The following ABLIM2 variants were observed in gnomAD, a reference collection of about 807,000 sequenced individuals.
The protein encoded by ABLIM2 is actin binding LIM protein family member 2, also known as actin-binding LIM protein 2.
Under a neutral mutation model 97.7 loss-of-function variants are expected in ABLIM2, and 53 were observed. The observed-to-expected ratio is 0.54, with a 90% CI of 0.44 to 0.68. ABLIM2 has a LOEUF of 0.68. Among genes scored for constraint, ABLIM2 ranks in the 30% least tolerant of loss-of-function variants. The pLI is 0.00. For missense variants in ABLIM2, 835 were observed against 867.2 expected, an observed-to-expected ratio of 0.96 and a Z score of 0.47; for synonymous variants, 361 against 345.8, an observed-to-expected ratio of 1.04 and a Z score of -0.49.
At chr4:8,010,987 A>T (rs1230883606) in intron 14 of ABLIM2, among the ~76,000 whole-genome samples, 1 of 152,222 alleles carries the variant, frequency 6.6e-6, no homozygotes, top group Admixed American at 6.5e-5. Context: ...GGCTGGCAAA[A>T]ATAAGTGCAT....
intron 4 of ABLIM2, among the ~76,000 whole-genome samples, chr4:8,081,146 G>C (rs1164912182): frequency 6.6e-6 from 1 of 151,928 alleles, no homozygotes; most frequent in African/African-American, 2.4e-5. Context: ...ACTGTGACTC[G>C]ATGTGCCCCC....
intron 16 of ABLIM2, among the ~76,000 whole-genome samples, chr4:7,995,011 C>T (rs1199616117): frequency 1.7e-4 from 18 of 108,150 alleles, no homozygotes; most frequent in African/African-American, 3.5e-4. Flanking sequence ...AAAAAGTGGG[C>T]GAAGGACATG....
intron 1 of ABLIM2, among the ~76,000 whole-genome samples, chr4:8,109,287 G>A (rs1000882791): frequency 4.6e-5 from 7 of 152,234 alleles, no homozygotes; most frequent in Non-Finnish European, 1.0e-4. Flanking sequence ...GGTTGCAGTC[G>A]AAACCACAGG....
Position 8,118,700 on chromosome 4 carries a change from G to C in ABLIM2, c.11-12063C>G, listed in dbSNP as rs1027917702. Among the ~76,000 whole-genome samples, 42 of 152,158 alleles carry C rather than the reference G, an allele frequency of 2.8e-4. 1 individual carries two copies. Among genetic ancestry groups the C allele is most frequent in the Admixed American group, 2.2e-3 (34 of 15,270 alleles). On this transcript the variant is annotated intron_variant, in intron 1 of 20. Coordinates refer to ENST00000447017, the MANE Select transcript of ABLIM2 (RefSeq NM_001130083.2). ...CACACTCTTTCCCAAAGTTGTCCTC[G>C]ATAGTCCTGGCACCAGCCTGGGCTC...
At chr4:8,053,347 G>A (rs1797186934) in intron 8 of ABLIM2, among the ~76,000 whole-genome samples, 1 of 152,192 alleles carries the variant, frequency 6.6e-6, no homozygotes, top group African/African-American at 2.4e-5. Flanking sequence ...GTTGATTGAT[G>A]TCTCATGTCT....
chr4:8,009,175 T>C, intron 14 of ABLIM2, 73 bp from the exon 15 acceptor site: 1 of 1,569,914 alleles, frequency 6.4e-7, no homozygotes, highest in South Asian at 1.1e-5. Context: ...GTTTCCCATG[T>C]TACAGTTATG....
chr4:8,054,741 G>A lies in ABLIM2; in HGVS notation c.764-495C>T, dbSNP rs1040767952. Among the ~76,000 whole-genome samples the A allele has an allele frequency of 6.6e-6, 1 of 152,200 alleles. No individual in the cohort carries two copies. Among genetic ancestry groups the A allele is most frequent in the African/African-American group, 2.4e-5 (1 of 41,446 alleles). ...GACTTGCAGGGCAGGGCTCTAAGCT[G>A]AGAGGTAGGAAGAGAGAACCTCAGC... On this transcript the variant is annotated intron_variant, in intron 7 of 20. Coordinates refer to ENST00000447017, the MANE Select transcript of ABLIM2 (RefSeq NM_001130083.2). The surrounding 1 kb of genome is among the most constrained non-coding windows in gnomAD (Gnocchi z 4.9).
chr4:8,103,785 T>A (rs535149853), intron 2 of ABLIM2, among the ~76,000 whole-genome samples: 2 of 152,346 alleles, frequency 1.3e-5, no homozygotes, highest in Admixed American at 6.5e-5. Flanking sequence ...CCGCCAGCTA[T>A]GAGTCCGCTG....
rs963748274 is a variant in ABLIM2 at position 8,043,950 on chromosome 4, G to A, written c.900+1214C>T. On this transcript the variant is annotated intron_variant, in intron 9 of 20. Transcript: ENST00000447017. The surrounding 1 kb of genome is among the most constrained non-coding windows in gnomAD (Gnocchi z 4.8). Reference sequence around the variant, plus strand: ...TGCAGCCAACCTGGTGCCTTCATGCGCCCGCCTAAGCTTCAGAGTGCACAT... The same window carrying A: ...TGCAGCCAACCTGGTGCCTTCATGCACCCGCCTAAGCTTCAGAGTGCACAT... Among the ~76,000 whole-genome samples the A allele has an allele frequency of 3.3e-5, 5 of 152,136 alleles. No homozygotes were observed. Among genetic ancestry groups the A allele is most frequent in the East Asian group, 1.9e-4 (1 of 5,154 alleles).
Position 8,080,739 on chromosome 4 carries a change from C to T in ABLIM2, c.518G>A (p.Trp173Ter). 6.2e-7 allele frequency: 1 copy of T among 1,612,986 alleles called. No homozygotes were observed. Among genetic ancestry groups the T allele is most frequent in the Non-Finnish European group, 8.5e-7 (1 of 1,179,206 alleles). The stretch of plus-strand genomic sequence containing the variant: ...CTTGCACTTAAAACAGCCCAAGTGC[C>T]AGTGCTTGTCCAAGGCTACCAGGGC... ...GQALVALDKHWHLGCFKCKSC... is the reference protein window; with the variant it reads ...GQALVALDKH The change falls in exon 5 of 21, where the codon TGG (tryptophan) becomes TAG (stop). Residue 173 changes from tryptophan (W) to a stop codon, truncating the protein, a stop_gained. Coordinates refer to ENST00000447017, the MANE Select transcript of ABLIM2 (RefSeq NM_001130083.2). LOFTEE classifies it high-confidence loss of function.
chr4:8,029,841 A>C, intron 10 of ABLIM2, 65 bp from the exon 11 acceptor site: 1 of 1,523,578 alleles, frequency 6.6e-7, no homozygotes, highest in Non-Finnish European at 8.9e-7. Flanking sequence ...TTGTCCACCC[A>C]TCCCCCGACA....
rs373145091 is a variant in ABLIM2 at position 8,002,407 on chromosome 4, GC to G, written c.1618+5651del. On this transcript the variant is annotated intron_variant, in intron 16 of 20. Transcript: ENST00000447017. This position sits in a 1 kb window ranked among gnomAD's most constrained non-coding sequence, Gnocchi z 6.1. ...GCCCTGCCAGTGAGATCCTTCCAGG[GC>G]CCCCCACTGCTTTTGTGGGAGCCCT... Among the ~76,000 whole-genome samples the G allele has an allele frequency of 7.9e-3, 1,202 of 152,258 alleles. 18 individuals carry two copies. The highest frequency in any genetic ancestry group is 0.028 in the African/African-American group (1,153 of 41,558).
chr4:8,045,105 G>A lies in ABLIM2; in HGVS notation c.900+59C>T, dbSNP rs201160936. The stretch of plus-strand genomic sequence containing the variant: ...AGGGGTGGGCTTAGCCACGGCCACC[G>A]GGCCCCCCTTCTCTCTCCACCCTCC... On this transcript the variant is annotated intron_variant, in intron 9 of 20. Transcript: ENST00000447017. 174 of 1,512,438 alleles carry A rather than the reference G, an allele frequency of 1.2e-4. No individual in the cohort carries two copies. In the East Asian group the frequency reaches 2.6e-3, roughly 22 times the overall value. The allele number at this position is 1,512,438 out of a possible 1,614,324, so 93.7% of individuals were successfully genotyped here. A position where few individuals can be genotyped will look rare whatever the true frequency, so the allele number is the denominator to read the frequency against.
rs1020484347 is a variant in ABLIM2 at position 8,071,485 on chromosome 4, C to T, written c.675+6143G>A. 1.3e-5 allele frequency among the ~76,000 whole-genome samples: 2 copies of T among 152,328 alleles called. No homozygotes were observed. Among genetic ancestry groups the T allele is most frequent in the South Asian group, 2.1e-4 (1 of 4,826 alleles). Reference sequence around the variant, plus strand: ...ACATTTCGCGGGCAGGCGGGCACTGCGGGCGCCAGCACTTAGGATGGCACC... The same window carrying T: ...ACATTTCGCGGGCAGGCGGGCACTGTGGGCGCCAGCACTTAGGATGGCACC... On this transcript the variant is annotated intron_variant, in intron 6 of 20. Transcript: ENST00000447017. The surrounding 1 kb of genome is among the most constrained non-coding windows in gnomAD (Gnocchi z 6.2).
At chr4:8,007,852 C>A (rs901838868) in intron 16 of ABLIM2, 3 of 1,376,106 alleles carry the variant, frequency 2.2e-6, no homozygotes, top group Admixed American at 3.1e-5. Flanking sequence ...CTCGTTAGCA[C>A]ACTGGCTCGG....
intron 14 of ABLIM2, among the ~76,000 whole-genome samples, chr4:8,014,829 G>A (rs967850930): frequency 3.3e-5 from 5 of 152,152 alleles, no homozygotes; most frequent in African/African-American, 1.2e-4. Flanking sequence ...AGGAAAGTGG[G>A]CCTGCAGTCT....
intron 8 of ABLIM2, among the ~76,000 whole-genome samples, chr4:8,050,731 C>G (rs561206369): frequency 6.3e-5 from 9 of 143,072 alleles, no homozygotes; most frequent in African/African-American, 2.2e-4. Context: ...CCAGGAAGCG[C>G]CAGGCCCTCC....
chr4:8,026,803 GTT>G, intron 12 of ABLIM2, among the ~76,000 whole-genome samples: 1 of 152,212 alleles, frequency 6.6e-6, no homozygotes. Context: ...TCCTGAGACT[GTT>G]TTTCCTGGCT....
intron 4 of ABLIM2, among the ~76,000 whole-genome samples, chr4:8,081,890 A>G (rs903199347): frequency 6.6e-6 from 1 of 151,798 alleles, no homozygotes; most frequent in Non-Finnish European, 1.5e-5. Context: ...ACACGTCCTC[A>G]CTCCAGGGAC....
Sources: allele counts gnomAD v4.1 joint callset (sites outside exome capture counted in the v4.1 genomes callset), GRCh38; gene constraint gnomAD v4.1.1; non-coding constraint Gnocchi (gnomAD v3.1); transcripts MANE v1.5; gene names NCBI Gene and HGNC (gene_info 2026-07-23, HGNC 2026-07-21).